Variants in CRACD observed in about 807,000 individuals in gnomAD.
CRACD encodes the protein capping protein-inhibiting regulator of actin dynamics.
In CRACD, 56 loss-of-function variants were observed where a neutral mutation model predicts 106.8. The observed-to-expected ratio is 0.52, with a 90% CI of 0.42 to 0.66. The LOEUF (loss-of-function observed/expected upper bound fraction) is 0.66, where lower values mean the gene tolerates loss of function less well. Ranked by LOEUF, CRACD falls within the 30% of genes least tolerant of loss-of-function variation. The pLI is 0.00. For synonymous variants in CRACD, 754 were observed against 670.8 expected, an observed-to-expected ratio of 1.12 and a Z score of -1.92; for missense variants, 1,730 against 1,623.2, an observed-to-expected ratio of 1.07 and a Z score of -1.13.
At chr4:56,204,331 T>C (rs1423073948) in intron 2 of CRACD, among the ~76,000 whole-genome samples, 1 of 152,142 alleles carries the variant, frequency 6.6e-6, no homozygotes, top group Non-Finnish European at 1.5e-5. Context: ...AGACTTTAAC[T>C]CGAAAAGAAA....
intron 3 of CRACD, among the ~76,000 whole-genome samples, chr4:56,278,685 C>T (rs1346203732): frequency 6.6e-6 from 1 of 152,028 alleles, no homozygotes; most frequent in Non-Finnish European, 1.5e-5. Context: ...CAAATGATAT[C>T]ATCAAGAAAG....
At chr4:56,311,836 C>T (rs915577440) in intron 6 of CRACD, among the ~76,000 whole-genome samples, 3 of 152,248 alleles carry the variant, frequency 2.0e-5, no homozygotes, top group Non-Finnish European at 4.4e-5. Flanking sequence ...CACACTCTAG[C>T]AGGAGCCCTT....
At chr4:56,239,992 C>A (rs898728021) in intron 2 of CRACD, among the ~76,000 whole-genome samples, 1 of 151,394 alleles carries the variant, frequency 6.6e-6, no homozygotes, top group African/African-American at 2.4e-5. Context: ...TTTTTTTTAA[C>A]AGGACTTTTA....
At chr4:56,310,229 G>C (rs1745047299) in intron 5 of CRACD, among the ~76,000 whole-genome samples, 1 of 152,016 alleles carries the variant, frequency 6.6e-6, no homozygotes, top group Admixed American at 6.6e-5. Context: ...GAGTTGGTAG[G>C]CCTTCTTTCT....
At chr4:56,301,498 T>C (rs1476295895) in intron 4 of CRACD, among the ~76,000 whole-genome samples, 2 of 152,124 alleles carry the variant, frequency 1.3e-5, no homozygotes, top group Non-Finnish European at 2.9e-5. Flanking sequence ...TATTTGACAG[T>C]GTATGTCCTG....
In CRACD at chr4:56,314,391, G is replaced by A. The variant is rs541984681; in HGVS notation, c.889G>A (p.Ala297Thr). 3.2e-6 allele frequency: 5 copies of A among 1,542,542 alleles called. No individual in the cohort carries two copies. The African/African-American group carries it at 5.6e-5, about 17-fold the overall frequency. The change falls in exon 8 of 11, where the codon GCG (alanine) becomes ACG (threonine). Residue 297 changes from alanine (A) to threonine (T), a missense_variant. Transcript: ENST00000682029. The surrounding 1 kb of genome is among the most constrained non-coding windows in gnomAD (Gnocchi z 4.4). ...GGAAGAGCAGCAGCGGAGCCTGGAA[G>A]CGCCAGGTTGGGAGGACGCGGAGCG... ...PREEQQRSLE[A>T]PGWEDAERRE...
At chr4:56,063,275 C>A (rs1732344185) in intron 1 of CRACD, among the ~76,000 whole-genome samples, 1 of 152,020 alleles carries the variant, frequency 6.6e-6, no homozygotes, top group Admixed American at 6.6e-5. Flanking sequence ...CTTACCACAG[C>A]CTCGACCTCT....
chr4:56,245,369 A>G (rs917301313), intron 2 of CRACD, among the ~76,000 whole-genome samples: 5 of 152,112 alleles, frequency 3.3e-5, no homozygotes, highest in Admixed American at 2.6e-4. Context: ...ATCCCTGAAA[A>G]TCTCCCTGGC....
At chr4:56,207,654 A>T (rs920398483) in intron 2 of CRACD, among the ~76,000 whole-genome samples, 13 of 151,218 alleles carry the variant, frequency 8.6e-5, no homozygotes, top group African/African-American at 3.2e-4. Flanking sequence ...AGGTCTATTC[A>T]TAGAGGCTAA....
intron 1 of CRACD, among the ~76,000 whole-genome samples, chr4:56,074,326 T>C (rs1732761258): frequency 6.6e-6 from 1 of 152,212 alleles, no homozygotes; most frequent in Admixed American, 6.5e-5. Flanking sequence ...GAGCATGGAA[T>C]GTTTTTCCAT....
intron 2 of CRACD, among the ~76,000 whole-genome samples, chr4:56,193,876 C>T (rs572911832): frequency 6.6e-6 from 1 of 152,048 alleles, no homozygotes; most frequent in Non-Finnish European, 1.5e-5. Flanking sequence ...TGTAAAATCA[C>T]TGAGGACAGC....
At position 56,204,206 on chromosome 4, in the gene CRACD, A is replaced by G. The variant is rs55776235; in HGVS notation, c.-189+24776A>G. On this transcript the variant is annotated intron_variant, in intron 2 of 10. Coordinates refer to ENST00000682029, the MANE Select transcript of CRACD (RefSeq NM_001393381.1). Reference sequence around the variant, plus strand: ...GGAACAACCTGGTTGGTCCATTGCCATGGAGTGGCCAGATTGCTGAGCTAG... The same window carrying G: ...GGAACAACCTGGTTGGTCCATTGCCGTGGAGTGGCCAGATTGCTGAGCTAG... Among the ~76,000 whole-genome samples the G allele has an allele frequency of 7.5e-3, 1,141 of 152,332 alleles. 18 individuals carry two copies. The highest frequency in any genetic ancestry group is 0.026 in the African/African-American group (1,076 of 41,584).
intron 1 of CRACD, among the ~76,000 whole-genome samples, chr4:56,160,185 A>ATTTTTTTTTTTTTTTTTT: frequency 1.6e-5 from 1 of 63,272 alleles, no homozygotes. Context: ...CCATATTTTG[A>ATTTTTTTTTTTTTTTTTT]TTTTTTTTTT....
intron 2 of CRACD, among the ~76,000 whole-genome samples, chr4:56,251,161 T>C (rs570889654): frequency 9.4e-4 from 143 of 152,300 alleles, no homozygotes; most frequent in Admixed American, 1.2e-3. Flanking sequence ...GAAAAACTGA[T>C]AGAGAGGAAT....
At chr4:56,075,442 C>T (rs1367015915) in intron 1 of CRACD, among the ~76,000 whole-genome samples, 1 of 152,098 alleles carries the variant, frequency 6.6e-6, no homozygotes, top group Non-Finnish European at 1.5e-5. Context: ...AGGAATTTAT[C>T]CATTTCTTCT....
Position 56,330,159 on chromosome 4 carries a change from TTAAA to T in CRACD, c.*2357_*2360del, listed in dbSNP as rs1746712180. Reference sequence around the variant, plus strand: ...ATATAAAAAGTTCAAGACTTTTTTTTTAAATGAATGATCACTATGTTAAATGCAA... The same window carrying T: ...ATATAAAAAGTTCAAGACTTTTTTTTTGAATGATCACTATGTTAAATGCAA... On this transcript the variant is annotated 3_prime_UTR_variant, in exon 11 of 11. Transcript: ENST00000682029. 6.6e-6 allele frequency among the ~76,000 whole-genome samples: 1 copy of T among 151,650 alleles called. No individual in the cohort carries two copies. The highest frequency in any genetic ancestry group is 1.5e-5 in the Non-Finnish European group (1 of 67,966).
intron 10 of CRACD, among the ~76,000 whole-genome samples, chr4:56,325,283 C>G (rs1315496390): frequency 6.6e-6 from 1 of 152,110 alleles, no homozygotes; most frequent in Non-Finnish European, 1.5e-5. Flanking sequence ...TGCAGTGAGC[C>G]GAGATCGTGC....
intron 1 of CRACD, among the ~76,000 whole-genome samples, chr4:56,084,578 T>A (rs1202558093): frequency 6.6e-6 from 1 of 152,158 alleles, no homozygotes; most frequent in Admixed American, 6.6e-5. Flanking sequence ...ACAGTTGGGG[T>A]CAGTGCCAGC....
At chr4:56,121,567 C>G (rs1734484686) in intron 1 of CRACD, among the ~76,000 whole-genome samples, 1 of 152,018 alleles carries the variant, frequency 6.6e-6, no homozygotes, top group South Asian at 2.1e-4. Context: ...TTGCTTGAAC[C>G]TGGGAGGTGG....
Sources: allele counts gnomAD v4.1 joint callset (sites outside exome capture counted in the v4.1 genomes callset), GRCh38; gene constraint gnomAD v4.1.1; non-coding constraint Gnocchi (gnomAD v3.1); transcripts MANE v1.5; gene names NCBI Gene and HGNC (gene_info 2026-07-23, HGNC 2026-07-21).